The following TAFA1 variants were observed in gnomAD, a reference collection of about 807,000 sequenced individuals.
The protein encoded by TAFA1 is chemokine-like protein TAFA-1.
Under a neutral mutation model 18.5 loss-of-function variants are expected in TAFA1, and 4 were observed. That is an observed-to-expected ratio of 0.22 (90% CI 0.11 to 0.49). The LOEUF (loss-of-function observed/expected upper bound fraction) is 0.49, where lower values mean the gene tolerates loss of function less well. TAFA1 is among the 20% of genes least tolerant of loss of function. The pLI is 0.98. For synonymous variants in TAFA1, 56 were observed against 55.2 expected (o/e 1.01, Z -0.06); for missense variants, 147 against 169.0 (o/e 0.87, Z 0.72).
At chr3:68,259,048 G>A (rs1378377825) in intron 2 of TAFA1, among the ~76,000 whole-genome samples, 1 of 152,156 alleles carries the variant, frequency 6.6e-6, no homozygotes, top group Non-Finnish European at 1.5e-5. Context: ...CAAATCATCT[G>A]GGGATGTCGA....
At chr3:68,085,687 C>T (rs1270923035) in intron 2 of TAFA1, among the ~76,000 whole-genome samples, 2 of 152,256 alleles carry the variant, frequency 1.3e-5, no homozygotes, top group East Asian at 3.9e-4. Context: ...AGTATATCTG[C>T]GTATTCCAAT....
At chr3:68,075,817 C>A (rs1363734063) in intron 2 of TAFA1, among the ~76,000 whole-genome samples, 15 of 152,008 alleles carry the variant, frequency 9.9e-5, no homozygotes, top group Admixed American at 9.8e-4. Flanking sequence ...CTTCCTCAGC[C>A]TCCCTACTGG....
At chr3:68,001,519 T>C (rs1704283329), upstream of TAFA1, among the ~76,000 whole-genome samples, 1 of 152,118 alleles carries the variant, frequency 6.6e-6, no homozygotes, top group Non-Finnish European at 1.5e-5. Flanking sequence ...GCATTCCTTG[T>C]TGCTACTAAG....
chr3:68,283,001 G>C (rs557596047), intron 2 of TAFA1, among the ~76,000 whole-genome samples: 1 of 151,980 alleles, frequency 6.6e-6, no homozygotes, highest in Non-Finnish European at 1.5e-5. Flanking sequence ...TAATACAATA[G>C]GAATCCAAAG....
chr3:68,214,479 A>G (rs2066631459), intron 2 of TAFA1, among the ~76,000 whole-genome samples: 1 of 151,670 alleles, frequency 6.6e-6, no homozygotes, highest in East Asian at 1.9e-4. Flanking sequence ...TGGCCACCTA[A>G]CTCTGTGATT....
intron 2 of TAFA1, among the ~76,000 whole-genome samples, chr3:68,206,939 A>T (rs2066535071): frequency 6.6e-6 from 1 of 151,914 alleles, no homozygotes; most frequent in South Asian, 2.1e-4. Flanking sequence ...CACAGTGATG[A>T]AGAGTAGAAA....
chr3:68,445,193 T>C (rs187340716), intron 3 of TAFA1, among the ~76,000 whole-genome samples: 152 of 152,314 alleles, frequency 1.0e-3, no homozygotes, highest in Non-Finnish European at 1.8e-3. Context: ...CAGAATTAGC[T>C]GGTTTACTGT....
intron 2 of TAFA1, among the ~76,000 whole-genome samples, chr3:68,393,977 C>T (rs2070320931): frequency 6.6e-6 from 1 of 152,180 alleles, no homozygotes; most frequent in Admixed American, 6.5e-5. Flanking sequence ...CCTCTCTCAC[C>T]ACTCCTATTC....
chr3:68,264,957 T>C (rs901226371), intron 2 of TAFA1, among the ~76,000 whole-genome samples: 4 of 152,166 alleles, frequency 2.6e-5, no homozygotes, highest in Non-Finnish European at 4.4e-5. Context: ...TATTAAGATC[T>C]GCTATAATAA....
intron 2 of TAFA1, among the ~76,000 whole-genome samples, chr3:68,363,607 C>T (rs1247008808): frequency 1.3e-5 from 2 of 152,224 alleles, no homozygotes; most frequent in African/African-American, 4.8e-5. Flanking sequence ...TCTTCTAACC[C>T]TTTTCTGAGA....
At chr3:68,013,077 G>A (rs562139600) in intron 2 of TAFA1, among the ~76,000 whole-genome samples, 9 of 152,176 alleles carry the variant, frequency 5.9e-5, no homozygotes, top group African/African-American at 2.2e-4. Context: ...GCATTGAGAA[G>A]CATGGGCCAA....
In TAFA1 at chr3:68,511,957, T is replaced by C. The variant is rs2106731138; in HGVS notation, c.260-26799T>C. 2.0e-5 allele frequency among the ~76,000 whole-genome samples: 3 copies of C among 152,204 alleles called. No individual in the cohort carries two copies. The Middle Eastern group carries it at 0.01, about 518-fold the overall frequency. ...CACTTACATATGACAAGTCCTCTTC[T>C]AAGGTCTTTCTGTATTAACTCATTT... On this transcript the variant is annotated intron_variant, in intron 3 of 4. Coordinates refer to ENST00000478136, the MANE Select transcript of TAFA1 (RefSeq NM_213609.4).
intron 2 of TAFA1, among the ~76,000 whole-genome samples, chr3:68,266,399 G>A (rs1287355155): frequency 6.6e-6 from 1 of 152,156 alleles, no homozygotes; most frequent in Non-Finnish European, 1.5e-5. Flanking sequence ...TTACCCAGAA[G>A]AGTAGATATA....
chr3:68,353,638 A>G (rs1189608376), intron 2 of TAFA1, among the ~76,000 whole-genome samples: 1 of 152,008 alleles, frequency 6.6e-6, no homozygotes, highest in East Asian at 1.9e-4. Context: ...AAAACTCTAA[A>G]TATTCAGAAA....
chr3:68,186,923 CCTT>C (rs1369488281), intron 2 of TAFA1, among the ~76,000 whole-genome samples: 2 of 151,864 alleles, frequency 1.3e-5, no homozygotes, highest in African/African-American at 2.4e-5. Flanking sequence ...AATCATCTGT[CCTT>C]CTTATCTCTG....
At chr3:67,993,065 G>A in the TAFA1 span, among the ~76,000 whole-genome samples, 1 of 152,170 alleles carries the variant, frequency 6.6e-6, no homozygotes, top group Non-Finnish European at 1.5e-5. Flanking sequence ...AAGATGCTTG[G>A]TAGACACAAC....
intron 2 of TAFA1, among the ~76,000 whole-genome samples, chr3:68,314,294 C>G (rs1421979621): frequency 4.6e-5 from 7 of 152,146 alleles, no homozygotes; most frequent in Non-Finnish European, 4.4e-5. Flanking sequence ...CTGTTCCTGT[C>G]CATAGAGTTA....
intron 2 of TAFA1, among the ~76,000 whole-genome samples, chr3:68,214,875 G>A (rs144231548): frequency 6.3e-4 from 96 of 152,042 alleles, no homozygotes; most frequent in African/African-American, 2.2e-3. Context: ...GGGAAGAAAA[G>A]AGAGACCCCA....
At chr3:68,505,893 T>C (rs904321686) in intron 3 of TAFA1, among the ~76,000 whole-genome samples, 1 of 151,510 alleles carries the variant, frequency 6.6e-6, no homozygotes, top group East Asian at 2.0e-4. Flanking sequence ...TCTTTTTTTT[T>C]TTATTATTAT....
Sources: gnomAD v4.1 joint callset for allele counts (sites outside exome capture counted in the v4.1 genomes callset) on GRCh38, gnomAD v4.1.1 for gene constraint, MANE v1.5 for transcripts, NCBI Gene and HGNC (gene_info 2026-07-23, HGNC 2026-07-21) for gene names.